RELL1: variants seen among roughly 807,000 people sequenced by gnomAD.
RELL1 encodes RELT-like protein 1.
A neutral mutation model predicts 23.0 loss-of-function variants in RELL1; 10 were observed. That is an observed-to-expected ratio of 0.43 (90% confidence interval 0.27 to 0.74). The LOEUF is 0.74. RELL1 is among the 30% of genes least tolerant of loss of function. RELL1 has a pLI of 0.19. For synonymous variants in RELL1, 146 were observed against 146.8 expected, an observed-to-expected ratio of 0.99 and a Z score of 0.04; for missense variants, 315 against 364.4, an observed-to-expected ratio of 0.86 and a Z score of 1.10.
intron 1 of RELL1, among the ~76,000 whole-genome samples, chr4:37,672,889 G>A (rs1374158919): frequency 6.6e-6 from 1 of 152,180 alleles, no homozygotes; most frequent in African/African-American, 2.4e-5. Flanking sequence ...AACACTGACA[G>A]TCCTCCAGAC....
intron 1 of RELL1, among the ~76,000 whole-genome samples, chr4:37,685,216 T>C (rs1722359950): frequency 6.6e-6 from 1 of 152,250 alleles, no homozygotes; most frequent in Admixed American, 6.5e-5. Flanking sequence ...ACAGTCACTG[T>C]TGAAAGGCTT....
chr4:37,634,768 C>T (rs1720260390), intron 5 of RELL1, 119 bp downstream of exon 5: 2 of 888,544 alleles, frequency 2.3e-6, no homozygotes, highest in East Asian at 4.9e-5. Flanking sequence ...CTAAAAAGCC[C>T]AGAGATATAA....
At chr4:37,608,603 G>A (rs1037700933), downstream of RELL1, among the ~76,000 whole-genome samples, 2 of 151,942 alleles carry the variant, frequency 1.3e-5, no homozygotes, top group Admixed American at 6.6e-5. Flanking sequence ...CAGAAAAAAG[G>A]TTGGAAGCCA....
chr4:37,657,706 G>T (rs370965303), intron 1 of RELL1, among the ~76,000 whole-genome samples: 14 of 152,078 alleles, frequency 9.2e-5, no homozygotes, highest in African/African-American at 3.1e-4. Context: ...GGAGGGCAAG[G>T]TGAGATTACA....
At chr4:37,598,078 A>AATATATATAT (rs138367525) in intron 6 of RELL1, among the ~76,000 whole-genome samples, 2,065 of 126,574 alleles carry the variant, frequency 0.016, 34 homozygotes, top group African/African-American at 0.033. Context: ...TATATATCAT[A>AATATATATAT]ATATATATAT....
chr4:37,632,102 A>AAAC (rs1720162068), intron 5 of RELL1, among the ~76,000 whole-genome samples: 1 of 150,840 alleles, frequency 6.6e-6, no homozygotes, highest in African/African-American at 2.4e-5. Context: ...AAAAAAAAAA[A>AAAC]AAAAAAACAC....
chr4:37,586,559 G>A (rs1039917507), downstream of RELL1, among the ~76,000 whole-genome samples: 3 of 152,148 alleles, frequency 2.0e-5, no homozygotes, highest in Non-Finnish European at 4.4e-5. Context: ...AGTGATTTGG[G>A]GATGTTACTA....
Position 37,631,453 on chromosome 4 carries a change from C to A in RELL1, c.751G>T (p.Ala251Ser). Residue 251 changes from alanine to serine, a missense_variant, in exon 6 of 7, where the codon GCT becomes TCT. Transcript: ENST00000454158. ...GGCACCTCCCCATTGACGGTTTCAG[C>A]CCCACTAACAGACATCAGGCTTCTC... ...ERRSLMSVSG[A>S]ETVNGEVPAT... 1 of 1,614,114 alleles carries A rather than the reference C, an allele frequency of 6.2e-7. No individual in the cohort carries two copies. The highest frequency in any genetic ancestry group is 1.3e-5 in the African/African-American group (1 of 75,030).
At chr4:37,605,803 GAA>G (rs756093302), downstream of RELL1, among the ~76,000 whole-genome samples, 1,748 of 91,836 alleles carry the variant, frequency 0.019, 14 homozygotes, top group Middle Eastern at 0.033. Flanking sequence ...GAGAAAGAAA[GAA>G]AGAAAGAAAG....
chr4:37,632,286 C>A (rs528389503), intron 5 of RELL1, among the ~76,000 whole-genome samples: 1 of 151,978 alleles, frequency 6.6e-6, no homozygotes, highest in South Asian at 2.1e-4. Context: ...ACTCTCCTGC[C>A]TCAGCCTCTC....
At chr4:37,653,548 T>C (rs1721025325) in intron 1 of RELL1, among the ~76,000 whole-genome samples, 1 of 152,138 alleles carries the variant, frequency 6.6e-6, no homozygotes, top group South Asian at 2.1e-4. Context: ...TCTGGACATG[T>C]CCTTAACCTT....
intron 1 of RELL1, among the ~76,000 whole-genome samples, chr4:37,685,877 G>A (rs1290083134): frequency 6.6e-6 from 1 of 152,238 alleles, no homozygotes; most frequent in Non-Finnish European, 1.5e-5. Flanking sequence ...GTTCCGAGGC[G>A]AGCGGCCGTG....
At chr4:37,636,115 G>C (rs986291531) in intron 4 of RELL1, among the ~76,000 whole-genome samples, 4 of 152,140 alleles carry the variant, frequency 2.6e-5, no homozygotes, top group African/African-American at 9.7e-5. Flanking sequence ...ATTGAGGCAG[G>C]GAGAAGTGAG....
intron 1 of RELL1, among the ~76,000 whole-genome samples, chr4:37,675,211 A>G (rs1377361671): frequency 6.6e-6 from 1 of 152,244 alleles, no homozygotes; most frequent in Admixed American, 6.5e-5. Flanking sequence ...TCTCTTTAAG[A>G]AGATGAACCT....
chr4:37,605,989 G>A (rs1460797081), downstream of RELL1, among the ~76,000 whole-genome samples: 1 of 146,726 alleles, frequency 6.8e-6, no homozygotes, highest in Non-Finnish European at 1.5e-5. Flanking sequence ...AAGGGAAGAA[G>A]GAAGAGAGGG....
chr4:37,675,661 C>T (rs1352974166), intron 1 of RELL1, among the ~76,000 whole-genome samples: 3 of 152,154 alleles, frequency 2.0e-5, no homozygotes, highest in Non-Finnish European at 4.4e-5. Context: ...TCACAGGAGG[C>T]AATAAAGGCA....
rs1233227382 is a variant in RELL1, at chr4:37,651,783, G to C, written c.89-2283C>G. Among the ~76,000 whole-genome samples the C allele has an allele frequency of 3.3e-5, 5 of 152,146 alleles. No homozygotes were observed. The East Asian group carries it at 5.8e-4, about 18-fold the overall frequency. On this transcript the variant is annotated intron_variant, in intron 1 of 6. Coordinates refer to ENST00000454158, the MANE Select transcript of RELL1 (RefSeq NM_001085400.2). ...GGCCCCAGACCCAGCCACACAGGAGGAACTTCAAGTAGAACCATTCCCCCG... is the reference window on the plus strand; with the variant it reads ...GGCCCCAGACCCAGCCACACAGGAGCAACTTCAAGTAGAACCATTCCCCCG...
At chr4:37,663,405 G>C (rs1466548974) in intron 1 of RELL1, among the ~76,000 whole-genome samples, 3 of 152,198 alleles carry the variant, frequency 2.0e-5, no homozygotes, top group African/African-American at 7.2e-5. Flanking sequence ...TTCTGAAGAA[G>C]TCATTTGTTT....
rs117066765 is a variant in RELL1, at chr4:37,665,723, G to A, written c.89-16223C>T. 9.1e-4 allele frequency among the ~76,000 whole-genome samples: 138 copies of A among 152,280 alleles called. 2 individuals carry two copies. In the East Asian group the frequency reaches 0.011, roughly 12 times the overall value. ...ATCTCAGCCTGTCTCCAGTAGCAAC[G>A]GGAAGAAATGGGGTCAAAGGGGTGC... On this transcript the variant is annotated intron_variant, in intron 1 of 6. Coordinates refer to ENST00000454158, the MANE Select transcript of RELL1 (RefSeq NM_001085400.2).
Sources: allele counts gnomAD v4.1 joint callset (sites outside exome capture counted in the v4.1 genomes callset), GRCh38; gene constraint gnomAD v4.1.1; transcripts MANE v1.5; gene names NCBI Gene and HGNC (gene_info 2026-07-23, HGNC 2026-07-21).